Variants in DOK5 observed in about 807,000 individuals in gnomAD.
The protein encoded by DOK5 is downstream of tyrosine kinase 5.
DOK5 carries 27 observed loss-of-function variants against 43.3 expected under a neutral mutation model. That is an observed-to-expected ratio of 0.62 (90% CI 0.46 to 0.86). DOK5 has a LOEUF of 0.86. Among genes scored for constraint, DOK5 ranks in the 40% least tolerant of loss-of-function variants. The probability of loss-of-function intolerance (pLI) is 0.00; values close to 1 mark genes in which losing one functional copy is unlikely to be tolerated. For missense variants in DOK5, 373 were observed against 392.9 expected, an observed-to-expected ratio of 0.95 and a Z score of 0.43; for synonymous variants, 146 against 140.1, an observed-to-expected ratio of 1.04 and a Z score of -0.30.
chr20:54,572,160 C>A (rs1470023773), intron 2 of DOK5, among the ~76,000 whole-genome samples: 1 of 151,622 alleles, frequency 6.6e-6, no homozygotes, highest in Admixed American at 6.6e-5. Flanking sequence ...TATGTTGCAA[C>A]ATTCTTTTTT....
intron 5 of DOK5, among the ~76,000 whole-genome samples, chr20:54,592,595 AG>A (rs1433609472): frequency 1.0e-4 from 15 of 148,024 alleles, no homozygotes; most frequent in Non-Finnish European, 2.2e-4. Flanking sequence ...GCTGGAGTGT[AG>A]GTGGCACAGT....
At chr20:54,501,642 A>G (rs763594393) in intron 1 of DOK5, among the ~76,000 whole-genome samples, 9 of 152,084 alleles carry the variant, frequency 5.9e-5, no homozygotes, top group Non-Finnish European at 1.0e-4. Flanking sequence ...GTAGAGTCCA[A>G]TGTGTATATT....
chr20:54,484,542 A>G (rs1283154619), intron 1 of DOK5, among the ~76,000 whole-genome samples: 1 of 152,206 alleles, frequency 6.6e-6, no homozygotes. Flanking sequence ...TTTGTAGGAC[A>G]ATATAACAAC....
chr20:54,487,778 C>G (rs947338833), intron 1 of DOK5, among the ~76,000 whole-genome samples: 1 of 152,160 alleles, frequency 6.6e-6, no homozygotes, highest in Non-Finnish European at 1.5e-5. Flanking sequence ...TTCTCACCCC[C>G]CAAAAACTGT....
chr20:54,551,911 T>C (rs1173433419), intron 1 of DOK5, among the ~76,000 whole-genome samples: 1 of 152,230 alleles, frequency 6.6e-6, no homozygotes, highest in Non-Finnish European at 1.5e-5. Context: ...TACTGCAGCC[T>C]CTACCTCCTG....
At chr20:54,567,306 T>C (rs553813454) in intron 2 of DOK5, among the ~76,000 whole-genome samples, 31 of 152,334 alleles carry the variant, frequency 2.0e-4, no homozygotes, top group African/African-American at 7.2e-4. Context: ...AAAAAAGGTA[T>C]AGTTTTAAGT....
chr20:54,608,447 G>A (rs759349315), intron 5 of DOK5, among the ~76,000 whole-genome samples: 6 of 152,098 alleles, frequency 3.9e-5, no homozygotes, highest in Non-Finnish European at 5.9e-5. Context: ...TTTGTATGGC[G>A]GCTTAAATAA....
At chr20:54,592,570 C>T (rs1986009646) in intron 5 of DOK5, among the ~76,000 whole-genome samples, 1 of 148,458 alleles carries the variant, frequency 6.7e-6, no homozygotes, top group African/African-American at 2.5e-5. Flanking sequence ...GATGGAGTCT[C>T]GCTCTGTCAC....
Position 54,588,613 on chromosome 20 carries a change from G to A in DOK5, c.289+16G>A. 2 of 1,614,086 alleles carry A rather than the reference G, an allele frequency of 1.2e-6. No individual in the cohort carries two copies. The highest frequency in any genetic ancestry group is 1.7e-6 in the Non-Finnish European group (2 of 1,179,966). On this transcript the variant is annotated intron_variant, in intron 3 of 7. Transcript: ENST00000262593. ...TGCGAATCAGGTTTGTCTCAGGCAG[G>A]GCTGGGGGGCTTTTGCTTTTAGATT... is the stretch of plus-strand genomic sequence containing the variant.
intron 2 of DOK5, 29 bp from the exon 3 acceptor site, chr20:54,588,454 G>A: frequency 6.3e-7 from 1 of 1,583,114 alleles, no homozygotes; most frequent in Non-Finnish European, 8.7e-7. Flanking sequence ...TTCAGGGAGT[G>A]TGTCAAACTT....
chr20:54,644,408 C>T (rs1053664173), intron 7 of DOK5, among the ~76,000 whole-genome samples: 1 of 151,134 alleles, frequency 6.6e-6, no homozygotes, highest in Non-Finnish European at 1.5e-5. Flanking sequence ...CCTGTCTTTA[C>T]TAAAAAAAAT....
chr20:54,612,322 A>G (rs1385629152), intron 6 of DOK5, among the ~76,000 whole-genome samples: 2 of 152,182 alleles, frequency 1.3e-5, no homozygotes, highest in Non-Finnish European at 2.9e-5. Context: ...AGACTTGTGT[A>G]TGATTTCAGA....
intron 5 of DOK5, 68 bp downstream of exon 5, chr20:54,591,873 C>A: frequency 2.8e-6 from 4 of 1,415,964 alleles, no homozygotes; most frequent in South Asian, 2.7e-5. Context: ...TTACCATGCT[C>A]GCATCATATG....
chr20:54,645,385 C>G (rs1024500583), intron 7 of DOK5, among the ~76,000 whole-genome samples: 4 of 129,116 alleles, frequency 3.1e-5, no homozygotes, highest in African/African-American at 1.2e-4. Context: ...CCTCCATGCC[C>G]GCTCTGAACC....
chr20:54,586,844 T>C (rs967161092), intron 2 of DOK5, among the ~76,000 whole-genome samples: 3 of 151,164 alleles, frequency 2.0e-5, no homozygotes, highest in Admixed American at 6.6e-5. Flanking sequence ...GGCTGAGACA[T>C]AGAGCACATG....
At chr20:54,616,265 C>T (rs1274591406) in intron 6 of DOK5, among the ~76,000 whole-genome samples, 1 of 152,176 alleles carries the variant, frequency 6.6e-6, no homozygotes, top group African/African-American at 2.4e-5. Flanking sequence ...TGACATAACC[C>T]CTGCCTTACA....
At chr20:54,545,617 G>A (rs1984315769) in intron 1 of DOK5, among the ~76,000 whole-genome samples, 2 of 152,236 alleles carry the variant, frequency 1.3e-5, no homozygotes, top group Admixed American at 1.3e-4. Context: ...TAATTCTAAT[G>A]TAGTTAGAAA....
intron 1 of DOK5, among the ~76,000 whole-genome samples, chr20:54,493,783 A>G (rs1432786099): frequency 6.6e-6 from 1 of 151,950 alleles, no homozygotes; most frequent in East Asian, 1.9e-4. Context: ...ACAAAAATTA[A>G]AAAAACTTTG....
At chr20:54,640,536 C>T (rs1979062621) in intron 6 of DOK5, among the ~76,000 whole-genome samples, 1 of 152,178 alleles carries the variant, frequency 6.6e-6, no homozygotes. Context: ...TGTCCAAAGA[C>T]AATTAAAATG....
Sources: gnomAD v4.1 joint callset for allele counts (sites outside exome capture counted in the v4.1 genomes callset) on GRCh38, gnomAD v4.1.1 for gene constraint, MANE v1.5 for transcripts, NCBI Gene and HGNC (gene_info 2026-07-23, HGNC 2026-07-21) for gene names.